RXYLT1: variants seen among roughly 807,000 people sequenced by gnomAD.
The protein encoded by RXYLT1 is ribitol-5-phosphate xylosyltransferase 1.
A neutral mutation model predicts 43.5 loss-of-function variants in RXYLT1; 41 were observed. The ratio of observed to expected loss-of-function variants is 0.94; its 90% confidence interval spans 0.73 to 1.22. RXYLT1 has a LOEUF of 1.22. Ranked by LOEUF, RXYLT1 falls within the 50% of genes most tolerant of loss-of-function variation. The probability of loss-of-function intolerance (pLI) is 0.00; values close to 1 mark genes in which losing one functional copy is unlikely to be tolerated. For missense variants in RXYLT1, 514 were observed against 532.0 expected (o/e 0.97, Z 0.33); for synonymous variants, 166 against 194.4 (o/e 0.85, Z 1.21).
At chr12:63,796,678 A>G (rs1015537873) in intron 3 of RXYLT1, among the ~76,000 whole-genome samples, 1 of 152,240 alleles carries the variant, frequency 6.6e-6, no homozygotes, top group East Asian at 1.9e-4. Flanking sequence ...CATCATTTGA[A>G]TATGATGAAT....
chr12:63,805,027 G>T (rs998012786), intron 4 of RXYLT1: 2 of 440,924 alleles, frequency 4.5e-6, no homozygotes, highest in Non-Finnish European at 7.9e-6. Context: ...TAACACTTTT[G>T]TAAGAGATGT....
At chr12:63,791,770 A>G (rs935055334) in intron 3 of RXYLT1, among the ~76,000 whole-genome samples, 47 of 152,242 alleles carry the variant, frequency 3.1e-4, no homozygotes, top group African/African-American at 1.1e-3. Context: ...ACAGTTCTAT[A>G]CACTTAATAA....
chr12:63,798,212 C>T (rs546366062), intron 3 of RXYLT1, among the ~76,000 whole-genome samples: 35 of 152,218 alleles, frequency 2.3e-4, no homozygotes, highest in Admixed American at 2.3e-3. Flanking sequence ...TTTCCAAGCT[C>T]TCAAACATTG....
chr12:63,800,811 A>G (rs1291521163), intron 3 of RXYLT1, among the ~76,000 whole-genome samples: 3 of 151,904 alleles, frequency 2.0e-5, no homozygotes, highest in African/African-American at 7.3e-5. Flanking sequence ...AGTCCCAGCT[A>G]CTCAGGAGCT....
intron 3 of RXYLT1, among the ~76,000 whole-genome samples, chr12:63,796,647 GAAAC>G (rs2136228380): frequency 1.3e-5 from 2 of 152,172 alleles, no homozygotes; most frequent in East Asian, 3.9e-4. Context: ...TTGATTTTAA[GAAAC>G]AAAAGTAAAA....
chr12:63,790,557 C>T (rs1201906241), intron 3 of RXYLT1: 2 of 152,338 alleles, frequency 1.3e-5, no homozygotes, highest in Non-Finnish European at 2.9e-5. Context: ...GAGTCTTGCT[C>T]TGTCACCCAG....
chr12:63,803,485 T>A (rs1356221659), intron 4 of RXYLT1, among the ~76,000 whole-genome samples: 3 of 152,130 alleles, frequency 2.0e-5, no homozygotes, highest in Admixed American at 2.0e-4. Context: ...TTATTCATCA[T>A]TCTGTCCCTG....
chr12:63,789,359 T>G (rs1289224518), intron 3 of RXYLT1, among the ~76,000 whole-genome samples: 1 of 152,152 alleles, frequency 6.6e-6, no homozygotes, highest in Non-Finnish European at 1.5e-5. Flanking sequence ...GTGAGACTTA[T>G]TCACTATCAT....
chr12:63,803,638 G>T (rs989050726), intron 4 of RXYLT1: 1 of 152,074 alleles, frequency 6.6e-6, no homozygotes, highest in Non-Finnish European at 1.5e-5. Context: ...AGACAAAAAG[G>T]TTCTTGTTAA....
chr12:63,781,095 A>G lies in RXYLT1; in HGVS notation c.246A>G (p.Lys82=). 1.2e-6 allele frequency: 2 copies of G among 1,610,480 alleles called. No homozygotes were observed. The highest frequency in any genetic ancestry group is 1.7e-6 in the Non-Finnish European group (2 of 1,178,750). Residue 82 remains lysine, a synonymous_variant, in exon 2 of 6, where the codon AAA becomes AAG. Transcript: ENST00000261234. ...AAAATGAGCAACAACACAGATTTAA[A>G]ACTAGCCTTCAAATATTAGATAAAT... The part of the protein sequence containing the change: ...DEKNEQQHRF[K]TSLQILDKST...
chr12:63,796,357 A>G (rs1165784084), intron 3 of RXYLT1, among the ~76,000 whole-genome samples: 2 of 152,204 alleles, frequency 1.3e-5, no homozygotes, highest in African/African-American at 2.4e-5. Context: ...GCTAAGGTGC[A>G]GTCTGCCTAG....
At chr12:63,783,820 C>T (rs988654555) in intron 2 of RXYLT1, among the ~76,000 whole-genome samples, 1 of 152,190 alleles carries the variant, frequency 6.6e-6, no homozygotes, top group African/African-American at 2.4e-5. Context: ...TCCTACCTTT[C>T]TGAAGGCAGA....
At chr12:63,785,760 C>T (rs1897787491) in intron 3 of RXYLT1, among the ~76,000 whole-genome samples, 1 of 151,880 alleles carries the variant, frequency 6.6e-6, no homozygotes, top group African/African-American at 2.4e-5. Context: ...TTTTTAAATG[C>T]TTATTTTATA....
chr12:63,791,257 C>T (rs1475444318), intron 3 of RXYLT1, among the ~76,000 whole-genome samples: 2 of 152,256 alleles, frequency 1.3e-5, no homozygotes, highest in South Asian at 2.1e-4. Flanking sequence ...TTCTGCTCAT[C>T]GTGACTTTTG....
chr12:63,802,553 G>A lies in RXYLT1; in HGVS notation c.743+148G>A, dbSNP rs1028736469. 8.0e-6 allele frequency: 5 copies of A among 625,792 alleles called. No homozygotes were observed. The African/African-American group carries it at 9.4e-5, about 12-fold the overall frequency. 38.8% of individuals were successfully genotyped at this position (625,792 alleles called of 1,614,324 possible). ...TTCTCAGAGATAAAAACAGGGTGTG[G>A]TCGCATCCTTCAATAACAATTATGA... On this transcript the variant is annotated intron_variant, in intron 4 of 5. Transcript: ENST00000261234.
intron 3 of RXYLT1, among the ~76,000 whole-genome samples, chr12:63,801,823 CA>C (rs796725184): frequency 5.6e-5 from 8 of 143,054 alleles, no homozygotes; most frequent in Non-Finnish European, 7.7e-5. Context: ...GACCCTGCCT[CA>C]AAAAAAAAAC....
chr12:63,781,042 G>T lies in RXYLT1; in HGVS notation c.193G>T (p.Glu65Ter). Residue 65 changes from glutamate to a stop codon, truncating the protein, a stop_gained, in exon 2 of 6, where the codon GAA (glutamate) becomes TAA (stop). Coordinates refer to ENST00000261234, the MANE Select transcript of RXYLT1 (RefSeq NM_014254.3). LOFTEE classifies it high-confidence loss of function. ...AGAACAGTCCACTTTGGAAAGTGAA[G>T]AATGGAATCCTTGGGAAGGAGATGA... ...GREQSTLESE[E>*]WNPWEGDEKN... 6.2e-7 allele frequency: 1 copy of T among 1,603,690 alleles called. No homozygotes were observed. Among genetic ancestry groups the T allele is most frequent in the Non-Finnish European group, 8.5e-7 (1 of 1,175,938 alleles).
At chr12:63,786,220 A>G (rs1214887606) in intron 3 of RXYLT1, among the ~76,000 whole-genome samples, 2 of 152,166 alleles carry the variant, frequency 1.3e-5, no homozygotes, top group Non-Finnish European at 2.9e-5. Flanking sequence ...AAATTCATAA[A>G]GTTAGCATCT....
chr12:63,802,350 G>T lies in RXYLT1; in HGVS notation c.688G>T (p.Asp230Tyr). 6.2e-7 allele frequency: 1 copy of T among 1,608,942 alleles called. No individual in the cohort carries two copies. The highest frequency in any genetic ancestry group is 8.5e-7 in the Non-Finnish European group (1 of 1,176,208). Residue 230 changes from aspartate (D) to tyrosine (Y), a missense_variant, in exon 4 of 6, where the codon GAC (aspartate) becomes TAC (tyrosine). Coordinates refer to ENST00000261234, the MANE Select transcript of RXYLT1 (RefSeq NM_014254.3). ...CGTGGAGCTGCTTTTCATAATATAT[G>T]ACAGCCCCTGGATTAATGACGTGGA... ...GFVELLFIIYDSPWINDVDVF... is the reference protein window; with the variant it reads ...GFVELLFIIYYSPWINDVDVF...
Sources: allele counts gnomAD v4.1 joint callset (sites outside exome capture counted in the v4.1 genomes callset), GRCh38; gene constraint gnomAD v4.1.1; transcripts MANE v1.5; gene names NCBI Gene and HGNC (gene_info 2026-07-23, HGNC 2026-07-21).